TTC7A: variants seen among roughly 807,000 people sequenced by gnomAD.
TTC7A encodes the protein tetratricopeptide repeat protein 7A.
A neutral mutation model predicts 103.7 loss-of-function variants in TTC7A; 110 were observed. That is an observed-to-expected ratio of 1.06 (90% CI 0.91 to 1.24). The LOEUF (loss-of-function observed/expected upper bound fraction) is 1.24, where lower values mean the gene tolerates loss of function less well. Among genes scored for constraint, TTC7A ranks in the 50% most tolerant of loss-of-function variants. The pLI is 0.00. For missense variants in TTC7A, 1,340 were observed against 1,116.3 expected (o/e 1.20, Z -2.86); for synonymous variants, 521 against 467.9 (o/e 1.11, Z -1.47).
chr2:46,937,568 A>G (rs1477123838), upstream of TTC7A, among the ~76,000 whole-genome samples: 2 of 152,216 alleles, frequency 1.3e-5, no homozygotes, highest in African/African-American at 4.8e-5. This position sits in a 1 kb window ranked among gnomAD's most constrained non-coding sequence, Gnocchi z 4.0. Flanking sequence ...AAAACATTGG[A>G]TGAAAAAGTC....
At chr2:46,978,735 G>A (rs1247054968) in intron 4 of TTC7A, 57 bp from the exon 5 acceptor site, 2 of 1,437,330 alleles carry the variant, frequency 1.4e-6, no homozygotes. Context: ...CTCTTGCTGA[G>A]TGACCCTCTG....
intron 5 of TTC7A, among the ~76,000 whole-genome samples, chr2:46,981,212 G>T (rs552450290): frequency 6.6e-6 from 1 of 150,992 alleles, no homozygotes; most frequent in Non-Finnish European, 1.5e-5. Context: ...GTTTTTCTAT[G>T]TGTAGATACA....
At chr2:46,951,881 G>A in intron 2 of TTC7A, 1 of 344,402 alleles carries the variant, frequency 2.9e-6, no homozygotes, top group South Asian at 2.2e-5. Context: ...AGTCCTATCA[G>A]CAAGTAAATA....
intron 1 of TTC7A, among the ~76,000 whole-genome samples, chr2:46,949,936 A>G (rs941799214): frequency 6.6e-6 from 1 of 152,216 alleles, no homozygotes; most frequent in Non-Finnish European, 1.5e-5. Context: ...TTACATAGAA[A>G]TTAGGAGCAT....
At chr2:46,965,466 T>C (rs1278290071) in intron 3 of TTC7A, among the ~76,000 whole-genome samples, 1 of 152,058 alleles carries the variant, frequency 6.6e-6, no homozygotes, top group African/African-American at 2.4e-5. Context: ...AGCAGGCTGC[T>C]AGGGGATCAG....
At chr2:47,031,817 C>T (rs1034802838) in intron 15 of TTC7A, among the ~76,000 whole-genome samples, 2 of 152,240 alleles carry the variant, frequency 1.3e-5, no homozygotes, top group Non-Finnish European at 2.9e-5. Context: ...TGTGGGGAGG[C>T]TAACTCCCTT....
intron 19 of TTC7A, chr2:47,067,772 A>G (rs1449187951): frequency 2.0e-5 from 3 of 152,168 alleles, no homozygotes; most frequent in African/African-American, 4.8e-5. Flanking sequence ...AAATAATTCC[A>G]TAAGTTAGTG....
intron 2 of TTC7A, chr2:46,956,603 C>A: frequency 1.8e-6 from 1 of 546,882 alleles, no homozygotes; most frequent in Non-Finnish European, 3.3e-6. Flanking sequence ...AAAACGCACA[C>A]ACATGAAACA....
intron 3 of TTC7A, among the ~76,000 whole-genome samples, chr2:46,972,526 A>C (rs1289247586): frequency 6.6e-6 from 1 of 152,192 alleles, no homozygotes; most frequent in Non-Finnish European, 1.5e-5. Context: ...TAACAACCCC[A>C]GTGGAAAGAG....
Position 47,073,785 on chromosome 2 carries a change from C to T in TTC7A, c.2439C>T (p.His813=), listed in dbSNP as rs145740358. ...RDAVERQSTC[H]EAWQGLGEVL... ...CCGTGGAGAGGCAGAGTACGTGCCA[C>T]GAGGCGTGGCAGGGCCTGGGCGAGG... Residue 813 remains histidine (H), a synonymous_variant, in exon 20 of 20, where the codon CAC becomes CAT. Transcript: ENST00000319190. The T allele has an allele frequency of 5.5e-5, 88 of 1,613,666 alleles. 1 individual carries two copies. In the Middle Eastern group the frequency reaches 8.2e-4, roughly 15 times the overall value.
chr2:47,053,543 T>TTTGTTTGTTTGTTTGG (rs66907808), intron 18 of TTC7A, among the ~76,000 whole-genome samples: 1 of 140,138 alleles, frequency 7.1e-6, no homozygotes, highest in Non-Finnish European at 1.5e-5. Flanking sequence ...TGTTTGTTTG[T>TTTGTTTGTTTGTTTGG]TTGGTTGGTT....
intron 15 of TTC7A, among the ~76,000 whole-genome samples, chr2:47,030,976 A>G (rs968651156): frequency 6.6e-6 from 1 of 152,192 alleles, no homozygotes; most frequent in African/African-American, 2.4e-5. Flanking sequence ...GTGAAACCCT[A>G]TCTCTAATAA....
intron 11 of TTC7A, among the ~76,000 whole-genome samples, chr2:47,015,074 A>T (rs1678496838): frequency 6.6e-6 from 1 of 152,104 alleles, no homozygotes; most frequent in African/African-American, 2.4e-5. Context: ...GAGAGCACTG[A>T]CCCTGGGGCT....
chr2:46,960,623 A>T (rs1214679712), intron 3 of TTC7A, among the ~76,000 whole-genome samples: 1 of 152,226 alleles, frequency 6.6e-6, no homozygotes, highest in Non-Finnish European at 1.5e-5. Context: ...CGTTGGTGAG[A>T]CACTGCCCTG....
chr2:47,056,219 C>T (rs966027296), intron 18 of TTC7A, among the ~76,000 whole-genome samples: 3 of 152,236 alleles, frequency 2.0e-5, no homozygotes, highest in South Asian at 2.1e-4. Flanking sequence ...GCCCTCTCCC[C>T]ACCTTCCTTC....
chr2:46,976,087 CA>C (rs139874132), intron 4 of TTC7A, among the ~76,000 whole-genome samples: 8,882 of 152,232 alleles, frequency 0.058, 278 homozygotes, highest in Non-Finnish European at 0.072. Context: ...GCCCTTGGTT[CA>C]ATGCTAAGGG....
At chr2:47,035,206 T>C (rs1026470104) in intron 15 of TTC7A, 1 of 152,228 alleles carries the variant, frequency 6.6e-6, no homozygotes, top group Non-Finnish European at 1.5e-5. Flanking sequence ...TTGTTCTTAT[T>C]AAGGACTTGT....
chr2:47,016,029 G>A (rs948075110), intron 11 of TTC7A, among the ~76,000 whole-genome samples: 5 of 152,210 alleles, frequency 3.3e-5, no homozygotes, highest in Admixed American at 1.3e-4. Flanking sequence ...AGAGAGGAAC[G>A]AGGGTGAAGA....
chr2:46,967,615 G>T (rs888579072), intron 3 of TTC7A, among the ~76,000 whole-genome samples: 9 of 152,088 alleles, frequency 5.9e-5, no homozygotes, highest in Admixed American at 3.3e-4. Flanking sequence ...GAATAATATT[G>T]TATTGTATGT....
Sources: gnomAD v4.1 joint callset for allele counts (sites outside exome capture counted in the v4.1 genomes callset) on GRCh38, gnomAD v4.1.1 for gene constraint, Gnocchi (gnomAD v3.1) non-coding constraint, MANE v1.5 for transcripts, NCBI Gene and HGNC (gene_info 2026-07-23, HGNC 2026-07-21) for gene names.